The following C4orf50 variants were observed in gnomAD, a reference collection of about 807,000 sequenced individuals.
C4orf50 encodes uncharacterized protein C4orf50.
In C4orf50, 80 loss-of-function variants were observed where a neutral mutation model predicts 77.2. That is an observed-to-expected ratio of 1.04 (90% CI 0.87 to 1.25). C4orf50 has a LOEUF of 1.25. Among genes scored for constraint, C4orf50 ranks in the 50% most tolerant of loss-of-function variants. C4orf50 has a pLI of 0.00. For missense variants in C4orf50, 1,257 were observed against 1,152.9 expected, an observed-to-expected ratio of 1.09 and a Z score of -1.31; for synonymous variants, 532 against 465.3, an observed-to-expected ratio of 1.14 and a Z score of -1.84.
intron 30 of C4orf50, among the ~76,000 whole-genome samples, chr4:5,974,462 TCAGA>T (rs1720137544): frequency 1.3e-5 from 2 of 151,864 alleles, no homozygotes. Context: ...AACTCGAGGC[TCAGA>T]CAGACACGGA....
chr4:5,962,725 G>A (rs961021966), intron 33 of C4orf50, among the ~76,000 whole-genome samples: 1 of 152,250 alleles, frequency 6.6e-6, no homozygotes, highest in African/African-American at 2.4e-5. Context: ...TTTTCTCACA[G>A]GTTAAGTGGA....
chr4:5,914,722 G>A (rs1028227932), intron 7 of C4orf50, among the ~76,000 whole-genome samples: 2 of 152,144 alleles, frequency 1.3e-5, no homozygotes, highest in East Asian at 1.9e-4. Context: ...AGGGTATAAT[G>A]TCCTATTCTA....
At chr4:5,989,750 T>C (rs981687952) in exon 28 of C4orf50, 10 of 1,533,404 alleles carry the variant, frequency 6.5e-6, no homozygotes, top group Non-Finnish European at 7.9e-6. Context: ...GGCAAACCTG[T>C]CTCTCCTGCA....
chr4:5,938,078 G>A (rs189993635), intron 7 of C4orf50, among the ~76,000 whole-genome samples: 3 of 152,146 alleles, frequency 2.0e-5, no homozygotes, highest in East Asian at 3.9e-4. Context: ...TTCATGTAAT[G>A]GACGTATATA....
chr4:5,898,864 C>A (rs1039423859), intron 7 of C4orf50: 2 of 152,204 alleles, frequency 1.3e-5, no homozygotes, highest in Non-Finnish European at 2.9e-5. Context: ...GGAAAAAACT[C>A]ATTTTTGAGC....
At chr4:6,014,468 C>T (rs1722608698) in intron 23 of C4orf50, among the ~76,000 whole-genome samples, 1 of 152,150 alleles carries the variant, frequency 6.6e-6, no homozygotes, top group Non-Finnish European at 1.5e-5. Flanking sequence ...GTGGGATTTT[C>T]TTCCTCACAT....
rs1716661839 is a variant in C4orf50 at position 5,908,699 on chromosome 4, A to AC, written c.*2475-10512_*2475-10511insG. ...ATGAGAGAACACCATCCGATAGGAG[A>AC]GACCAATACATACGTGACTGCCCTT... On this transcript the variant is annotated intron_variant, in intron 7 of 7. Transcript: ENST00000324058. This position sits in a 1 kb window ranked among gnomAD's most constrained non-coding sequence, Gnocchi z 5.6. Among the ~76,000 whole-genome samples, 2 of 152,162 alleles carry AC rather than the reference A, an allele frequency of 1.3e-5. No individual in the cohort carries two copies. The highest frequency in any genetic ancestry group is 4.8e-5 in the African/African-American group (2 of 41,422).
In C4orf50 at chr4:6,009,073, G is replaced by A. The variant is rs1031331510; in HGVS notation, c.427-541C>T. Reference sequence around the variant, plus strand: ...GGATACTCCACCTGGAGGGAGGTACGTTACTAGCCTGAGAGACACTCAGGA... The same window carrying A: ...GGATACTCCACCTGGAGGGAGGTACATTACTAGCCTGAGAGACACTCAGGA... On this transcript the variant is annotated intron_variant, in intron 24 of 33. Coordinates refer to ENST00000531445, the Ensembl canonical transcript of C4orf50. This position sits in a 1 kb window ranked among gnomAD's most constrained non-coding sequence, Gnocchi z 5.6. 6.6e-6 allele frequency among the ~76,000 whole-genome samples: 1 copy of A among 152,206 alleles called. No individual in the cohort carries two copies. The highest frequency in any genetic ancestry group is 2.4e-5 in the African/African-American group (1 of 41,436).
At chr4:5,976,133 A>G (rs1043914041) in intron 29 of C4orf50, among the ~76,000 whole-genome samples, 178 bp from the exon 8 acceptor site, 2 of 152,104 alleles carry the variant, frequency 1.3e-5, no homozygotes, top group Admixed American at 1.3e-4. Context: ...TCAGGGGAGG[A>G]CAGATATTCT....
intron 30 of C4orf50, 25 bp from the exon 9 acceptor site, chr4:5,973,866 G>A: frequency 6.3e-7 from 1 of 1,581,826 alleles, no homozygotes; most frequent in Non-Finnish European, 8.6e-7. Context: ...GGCCATGGAT[G>A]CAGAGCTCCC....
chr4:5,994,691 T>C (rs7438319), intron 25 of C4orf50, among the ~76,000 whole-genome samples: 17,403 of 152,202 alleles, frequency 0.11, 1,540 homozygotes, highest in African/African-American at 0.25. Context: ...TCTTAGCACT[T>C]AGACTCCTGT....
intron 7 of C4orf50, among the ~76,000 whole-genome samples, chr4:5,943,750 G>C (rs1045259944): frequency 1.6e-4 from 24 of 152,288 alleles, no homozygotes; most frequent in African/African-American, 5.8e-4. Flanking sequence ...ACAGGAAATT[G>C]AGAACCTGAC....
At position 5,985,344 on chromosome 4, in the gene C4orf50, A is replaced by G. The variant is rs185753733; in HGVS notation, c.3699+3003T>C. On this transcript the variant is annotated intron_variant, in intron 28 of 33. Coordinates refer to ENST00000531445, the Ensembl canonical transcript of C4orf50. ...TGAAAAATATATGATTGTTTAAAAT[A>G]ACAGTGGCTTATAAGATTTATTCTA... is the stretch of plus-strand genomic sequence containing the variant. Among the ~76,000 whole-genome samples, 19 of 152,232 alleles carry G rather than the reference A, an allele frequency of 1.2e-4. No individual in the cohort carries two copies. In the East Asian group the frequency reaches 3.7e-3, roughly 29 times the overall value.
At position 5,945,238 on chromosome 4, in the gene C4orf50, C is replaced by T. The variant is rs918175203; in HGVS notation, c.*2474+11663G>A. 3.9e-5 allele frequency among the ~76,000 whole-genome samples: 6 copies of T among 152,264 alleles called. No homozygotes were observed. The East Asian group carries it at 7.8e-4, about 20-fold the overall frequency. Reference sequence around the variant, plus strand: ...AGGGTTTCCCTTAGTAAGCAGCATTCGGATTTGACTGCCTGGCACCGGCAT... The same window carrying T: ...AGGGTTTCCCTTAGTAAGCAGCATTTGGATTTGACTGCCTGGCACCGGCAT... On this transcript the variant is annotated intron_variant, in intron 7 of 7. Transcript: ENST00000324058.
chr4:5,988,629 G>C, exon 28 of C4orf50: 1 of 1,536,134 alleles, frequency 6.5e-7, no homozygotes, highest in African/African-American at 1.4e-5. Context: ...GCTGTCCTGT[G>C]AGTGGAGTCA....
chr4:5,934,345 T>C (rs1369318585), intron 7 of C4orf50, among the ~76,000 whole-genome samples: 1 of 152,222 alleles, frequency 6.6e-6, no homozygotes, highest in Non-Finnish European at 1.5e-5. Context: ...CAGATTCCTC[T>C]GCAAGCTTCC....
chr4:5,991,801 C>G (rs1721312667), intron 27 of C4orf50, among the ~76,000 whole-genome samples: 1 of 152,152 alleles, frequency 6.6e-6, no homozygotes, highest in South Asian at 2.1e-4. Context: ...CAGCAGAGCC[C>G]CCTCAGGCAG....
chr4:5,925,117 G>T (rs530612850), intron 7 of C4orf50, among the ~76,000 whole-genome samples: 1 of 152,286 alleles, frequency 6.6e-6, no homozygotes, highest in African/African-American at 2.4e-5. Context: ...GGCCACTTGG[G>T]TTGGGAGGGA....
intron 7 of C4orf50, among the ~76,000 whole-genome samples, chr4:5,914,253 G>A (rs529342414): frequency 1.5e-5 from 2 of 129,538 alleles, no homozygotes; most frequent in African/African-American, 6.1e-5. Flanking sequence ...CGCCCAGGCT[G>A]GAGGGCAGTG....
Sources: gnomAD v4.1 joint callset for allele counts (sites outside exome capture counted in the v4.1 genomes callset) on GRCh38, gnomAD v4.1.1 for gene constraint, Gnocchi (gnomAD v3.1) non-coding constraint, MANE v1.5 for transcripts, NCBI Gene and HGNC (gene_info 2026-07-23, HGNC 2026-07-21) for gene names.